The following DPYD variants were observed in gnomAD, a reference collection of about 807,000 sequenced individuals.
DPYD encodes dihydropyrimidine dehydrogenase.
Under a neutral mutation model 116.2 loss-of-function variants are expected in DPYD, and 109 were observed. The observed-to-expected ratio is 0.94, with a 90% CI of 0.80 to 1.10. The LOEUF (loss-of-function observed/expected upper bound fraction) is 1.10, where lower values mean the gene tolerates loss of function less well. Ranked by LOEUF, DPYD falls within the 50% of genes least tolerant of loss-of-function variation. The probability of loss-of-function intolerance (pLI) is 0.00; values close to 1 mark genes in which losing one functional copy is unlikely to be tolerated. For missense variants in DPYD, 1,302 were observed against 1,254.5 expected (o/e 1.04, Z -0.57); for synonymous variants, 440 against 432.0 (o/e 1.02, Z -0.23).
chr1:97,822,621 T>C (rs1457920507), intron 3 of DPYD, among the ~76,000 whole-genome samples: 1 of 152,004 alleles, frequency 6.6e-6, no homozygotes, highest in Non-Finnish European at 1.5e-5. Context: ...TTGTTTTAAG[T>C]CTCTTAATAC....
At chr1:97,503,838 G>C (rs1171263429) in intron 13 of DPYD, among the ~76,000 whole-genome samples, 1 of 151,910 alleles carries the variant, frequency 6.6e-6, no homozygotes, top group African/African-American at 2.4e-5. Context: ...AAATGTAAGG[G>C]TTTTTAAATA....
chr1:97,845,235 G>A (rs1670234008), intron 2 of DPYD, among the ~76,000 whole-genome samples: 1 of 152,182 alleles, frequency 6.6e-6, no homozygotes, highest in Admixed American at 6.5e-5. Context: ...TGGAGTCCCT[G>A]GAGTTAGAAC....
chr1:97,090,593 C>A (rs1649834013), intron 21 of DPYD, among the ~76,000 whole-genome samples: 1 of 152,110 alleles, frequency 6.6e-6, no homozygotes, highest in Admixed American at 6.6e-5. Flanking sequence ...CCACAATTAC[C>A]CAAGGCAGAA....
At chr1:97,488,369 G>A (rs1678770765) in intron 13 of DPYD, among the ~76,000 whole-genome samples, 1 of 151,840 alleles carries the variant, frequency 6.6e-6, no homozygotes, top group Non-Finnish European at 1.5e-5. Flanking sequence ...TGGCTGTGGT[G>A]GTAAATACAT....
At chr1:97,571,594 G>T (rs1557807052) in intron 11 of DPYD, among the ~76,000 whole-genome samples, 1 of 151,792 alleles carries the variant, frequency 6.6e-6, no homozygotes, top group Non-Finnish European at 1.5e-5. Context: ...AAAGATGAAT[G>T]CATTAAAACA....
At chr1:97,309,336 TG>T in intron 16 of DPYD, among the ~76,000 whole-genome samples, 1 of 131,942 alleles carries the variant, frequency 7.6e-6, no homozygotes, top group East Asian at 2.2e-4. Flanking sequence ...TTGTCTTGTG[TG>T]TGTGTGTGTG....
chr1:97,173,183 TATATATGTGTATATATGTGTAC>T (rs1226562614), intron 20 of DPYD, among the ~76,000 whole-genome samples: 2 of 147,118 alleles, frequency 1.4e-5, no homozygotes, highest in Non-Finnish European at 3.0e-5. Flanking sequence ...CATGTATACA[TATATATGTGTATATATGTGTAC>T]ATATATACAC....
chr1:97,197,708 G>C (rs1474220966), intron 19 of DPYD, among the ~76,000 whole-genome samples: 2 of 152,064 alleles, frequency 1.3e-5, no homozygotes, highest in African/African-American at 4.8e-5. Flanking sequence ...AGGTCCCAAG[G>C]CTAAGAAAAC....
intron 20 of DPYD, among the ~76,000 whole-genome samples, chr1:97,165,357 G>A (rs953083775): frequency 3.3e-5 from 5 of 152,142 alleles, no homozygotes; most frequent in African/African-American, 1.2e-4. Flanking sequence ...AAATGATGCT[G>A]AGATAAATGG....
chr1:97,173,323 T>TACACATATATGTGTATATATGC (rs1570601189), intron 20 of DPYD, among the ~76,000 whole-genome samples: 2 of 136,424 alleles, frequency 1.5e-5, no homozygotes, highest in Admixed American at 7.1e-5. Context: ...CACACATATA[T>TACACATATATGTGTATATATGC]ACACATATAT....
chr1:97,370,102 T>C (rs992571861), intron 16 of DPYD, among the ~76,000 whole-genome samples: 6 of 152,180 alleles, frequency 3.9e-5, no homozygotes, highest in African/African-American at 1.4e-4. Flanking sequence ...TGTGTCTTTA[T>C]AGTAAAATGA....
chr1:97,741,536 A>G (rs1664272641), intron 3 of DPYD, among the ~76,000 whole-genome samples: 1 of 152,198 alleles, frequency 6.6e-6, no homozygotes, highest in African/African-American at 2.4e-5. Context: ...ACAACATTCT[A>G]TAATTATTCA....
chr1:97,797,539 T>C (rs1405921480), intron 3 of DPYD: 1 of 152,088 alleles, frequency 6.6e-6, no homozygotes, highest in African/African-American at 2.4e-5. Flanking sequence ...AAGTCCTGAA[T>C]TAGAAGCGTA....
Position 97,382,413 on chromosome 1 carries a change from C to G in DPYD, c.1954G>C (p.Glu652Gln), listed in dbSNP as rs1436631371. Reference protein sequence around the residue: ...MCSYNKNDWTELAKKSEDSGA... With the variant: ...MCSYNKNDWTQLAKKSEDSGA... ...ATTACCTCAGACTTCTTGGCAAGTT[C>G]CGTCCAGTCATTTTTATTGTAACTG... Residue 652 changes from glutamate to glutamine, a missense_variant, in exon 15 of 23, where the codon GAA becomes CAA. Glu to Gln is a conservative substitution (Grantham distance 29). Coordinates refer to ENST00000370192, the MANE Select transcript of DPYD (RefSeq NM_000110.4). 3 of 1,598,430 alleles carry G rather than the reference C, an allele frequency of 1.9e-6. No homozygotes were observed. Among genetic ancestry groups the G allele is most frequent in the Admixed American group, 3.4e-5 (2 of 59,108 alleles).
At chr1:97,409,142 GCTGA>G (rs1219150288) in intron 14 of DPYD, among the ~76,000 whole-genome samples, 8 of 152,128 alleles carry the variant, frequency 5.3e-5, no homozygotes, top group African/African-American at 1.7e-4. Flanking sequence ...TCTAGAGAAC[GCTGA>G]CTAATACAAT....
chr1:97,261,342 T>G (rs1282456294), intron 18 of DPYD, among the ~76,000 whole-genome samples: 1 of 152,026 alleles, frequency 6.6e-6, no homozygotes, highest in Non-Finnish European at 1.5e-5. Flanking sequence ...GCTACTTTAT[T>G]GTAAATATAT....
At chr1:97,806,281 G>T (rs1668075819) in intron 3 of DPYD, among the ~76,000 whole-genome samples, 1 of 151,818 alleles carries the variant, frequency 6.6e-6, no homozygotes, top group Non-Finnish European at 1.5e-5. Flanking sequence ...AAATCTAGAA[G>T]AAAATGCAGT....
intron 14 of DPYD, among the ~76,000 whole-genome samples, chr1:97,416,723 C>A (rs1418516588): frequency 6.6e-6 from 1 of 152,148 alleles, no homozygotes; most frequent in East Asian, 1.9e-4. Flanking sequence ...GCAAACACAA[C>A]ACAATTTTAA....
chr1:97,322,577 A>G (rs1027497610), intron 16 of DPYD: 1 of 152,020 alleles, frequency 6.6e-6, no homozygotes, highest in East Asian at 1.9e-4. Context: ...GATTTTATCT[A>G]AAATCTTTAG....
Sources: gnomAD v4.1 joint callset for allele counts (sites outside exome capture counted in the v4.1 genomes callset) on GRCh38, gnomAD v4.1.1 for gene constraint, MANE v1.5 for transcripts, NCBI Gene and HGNC (gene_info 2026-07-23, HGNC 2026-07-21) for gene names.